Variants in CUX1 observed in about 807,000 individuals in gnomAD.
CUX1 encodes the protein protein CASP.
A neutral mutation model predicts 158.8 loss-of-function variants in CUX1; 31 were observed. The observed-to-expected ratio is 0.20, with a 90% CI of 0.15 to 0.26. CUX1 has a LOEUF of 0.26. Ranked by LOEUF, CUX1 falls within the 10% of genes least tolerant of loss-of-function variation. CUX1 has a pLI of 1.00. For synonymous variants in CUX1, 879 were observed against 862.1 expected (o/e 1.02, Z -0.34); for missense variants, 1,589 against 2,014.6 (o/e 0.79, Z 4.04).
At chr7:101,983,373 A>G (rs1182421228) in intron 2 of CUX1, among the ~76,000 whole-genome samples, 2 of 151,904 alleles carry the variant, frequency 1.3e-5, no homozygotes, top group Non-Finnish European at 2.9e-5. Flanking sequence ...CACCCCTCCC[A>G]TCCTCCCACC....
chr7:101,863,174 G>A (rs1405553162), intron 1 of CUX1, among the ~76,000 whole-genome samples: 5 of 151,682 alleles, frequency 3.3e-5, no homozygotes, highest in East Asian at 1.9e-4. Context: ...GCACACCCTC[G>A]AAAAATGACA....
intron 1 of CUX1, among the ~76,000 whole-genome samples, chr7:101,860,644 G>C (rs1797336918): frequency 6.6e-6 from 1 of 152,058 alleles, no homozygotes; most frequent in Non-Finnish European, 1.5e-5. Context: ...GATTGTACTA[G>C]TCTGTCTGTC....
chr7:102,245,082 G>C (rs377505946), intron 23 of CUX1, among the ~76,000 whole-genome samples: 1 of 152,122 alleles, frequency 6.6e-6, no homozygotes. Context: ...TCGCTCTGTC[G>C]CCGAGGCTGG....
intron 9 of CUX1, among the ~76,000 whole-genome samples, chr7:102,165,745 T>A (rs971595764): frequency 3.3e-5 from 5 of 152,068 alleles, no homozygotes; most frequent in Admixed American, 3.3e-4. Flanking sequence ...CCGTGGAACT[T>A]CTTCTAGGAT....
intron 1 of CUX1, among the ~76,000 whole-genome samples, chr7:101,847,158 A>T (rs1795788460): frequency 6.6e-6 from 1 of 152,130 alleles, no homozygotes; most frequent in South Asian, 2.1e-4. Flanking sequence ...GAAATGACAA[A>T]ATAAACAGTC....
At chr7:101,908,059 C>T (rs570877062) in intron 1 of CUX1, among the ~76,000 whole-genome samples, 1 of 151,658 alleles carries the variant, frequency 6.6e-6, no homozygotes, top group African/African-American at 2.4e-5. Context: ...CTTTCCCACC[C>T]CCAAGTGAGT....
intron 1 of CUX1, among the ~76,000 whole-genome samples, chr7:101,831,573 T>A (rs1348163320): frequency 6.6e-6 from 1 of 151,986 alleles, no homozygotes; most frequent in Non-Finnish European, 1.5e-5. Context: ...ATTACAGCCG[T>A]GAGCCACCAT....
At chr7:102,099,243 T>A (rs1171679526) in intron 5 of CUX1, among the ~76,000 whole-genome samples, 2 of 152,136 alleles carry the variant, frequency 1.3e-5, no homozygotes, top group Non-Finnish European at 2.9e-5. Context: ...ACCCCGCTTC[T>A]TTCTGGCTTT....
intron 1 of CUX1, among the ~76,000 whole-genome samples, chr7:101,861,133 C>T (rs1797417810): frequency 6.6e-6 from 1 of 152,126 alleles, no homozygotes; most frequent in Non-Finnish European, 1.5e-5. Flanking sequence ...TGTGTTAGGT[C>T]CTGACCTGCT....
At chr7:102,101,191 C>G (rs1210327791) in intron 5 of CUX1, among the ~76,000 whole-genome samples, 1 of 152,222 alleles carries the variant, frequency 6.6e-6, no homozygotes, top group Non-Finnish European at 1.5e-5. Context: ...AGACAAACAT[C>G]TAAACTATAT....
At position 102,070,451 on chromosome 7, in the gene CUX1, G is replaced by A. The variant is rs749244331; in HGVS notation, c.268+34G>A. 12 of 1,550,342 alleles carry A rather than the reference G, an allele frequency of 7.7e-6. No homozygotes were observed. The East Asian group carries it at 2.1e-4, about 27-fold the overall frequency. On this transcript the variant is annotated intron_variant, in intron 4 of 23. Transcript: ENST00000292535. ...CGGCAGTAATGGCCCACCAGTGGGG[G>A]GCGTTGTGTCTGGTGAGTCGGTGGG...
chr7:102,201,353 C>G lies in CUX1; in HGVS notation c.2063-7C>G. On this transcript the variant is annotated splice_polypyrimidine_tract_variant and splice_region_variant and intron_variant, in intron 17 of 23. Coordinates refer to ENST00000292535, the MANE Select transcript of CUX1 (RefSeq NM_181552.4). This position sits in a 1 kb window ranked among gnomAD's most constrained non-coding sequence, Gnocchi z 5.0. Reference sequence around the variant, plus strand: ...TGCCACACTCTCACCCCTGTTTCTCCATGCAGCAGAGCCGGCCCAGCCTTC... The same window carrying G: ...TGCCACACTCTCACCCCTGTTTCTCGATGCAGCAGAGCCGGCCCAGCCTTC... 1.2e-6 allele frequency: 2 copies of G among 1,610,196 alleles called. No individual in the cohort carries two copies. The highest frequency in any genetic ancestry group is 1.7e-6 in the Non-Finnish European group (2 of 1,177,552).
chr7:102,037,394 C>T (rs1821563322), intron 3 of CUX1, among the ~76,000 whole-genome samples: 1 of 146,750 alleles, frequency 6.8e-6, no homozygotes, highest in Non-Finnish European at 1.5e-5. Context: ...TTCTTGTTGC[C>T]CAGGCTGGAA....
rs141282407 is a variant in CUX1 at position 102,036,461 on chromosome 7, C to T, written c.189+8316C>T. Among the ~76,000 whole-genome samples the T allele has an allele frequency of 3.3e-3, 504 of 152,124 alleles. 2 individuals carry two copies. Among genetic ancestry groups the T allele is most frequent in the African/African-American group, 0.011 (476 of 41,494 alleles). ...CACAATAAAGAAATCAGAATCTGGCCGAGCGCGTTGGCTCTTACCCGTAAT... is the reference window on the plus strand; with the variant it reads ...CACAATAAAGAAATCAGAATCTGGCTGAGCGCGTTGGCTCTTACCCGTAAT... On this transcript the variant is annotated intron_variant, in intron 3 of 23. Transcript: ENST00000292535.
At chr7:101,833,585 A>AAG (rs1554384957) in intron 1 of CUX1, among the ~76,000 whole-genome samples, 1 of 150,828 alleles carries the variant, frequency 6.6e-6, no homozygotes, top group East Asian at 1.9e-4. Flanking sequence ...AAAAAAAAAA[A>AAG]AGAATCCAAA....
intron 7 of CUX1, among the ~76,000 whole-genome samples, chr7:102,112,216 G>A (rs906443731): frequency 1.0e-4 from 15 of 149,288 alleles, no homozygotes; most frequent in Non-Finnish European, 1.8e-4. Context: ...AGTTTTTACA[G>A]TATCTTTAAA....
At chr7:102,054,360 T>G (rs558711830) in intron 3 of CUX1, among the ~76,000 whole-genome samples, 2 of 152,332 alleles carry the variant, frequency 1.3e-5, no homozygotes, top group East Asian at 1.9e-4. Context: ...GGATCAAACT[T>G]TGCTCTTTTG....
intron 2 of CUX1, among the ~76,000 whole-genome samples, chr7:102,014,907 G>A (rs1028324289): frequency 6.6e-6 from 1 of 150,480 alleles, no homozygotes; most frequent in Non-Finnish European, 1.5e-5. Context: ...TGAGGTTACC[G>A]CTTAGCTCTG....
chr7:102,021,973 C>G (rs914232026), intron 2 of CUX1, among the ~76,000 whole-genome samples: 2 of 152,222 alleles, frequency 1.3e-5, no homozygotes, highest in Non-Finnish European at 2.9e-5. Flanking sequence ...CCTCTCGCTC[C>G]TGCAGACAGA....
Sources: allele counts gnomAD v4.1 joint callset (sites outside exome capture counted in the v4.1 genomes callset), GRCh38; gene constraint gnomAD v4.1.1; non-coding constraint Gnocchi (gnomAD v3.1); transcripts MANE v1.5; gene names NCBI Gene and HGNC (gene_info 2026-07-23, HGNC 2026-07-21).